Variants in TBL1XR1 observed in about 807,000 individuals in gnomAD.
The protein encoded by TBL1XR1 is F-box-like/WD repeat-containing protein TBL1XR1.
In TBL1XR1, 5 loss-of-function variants were observed where a neutral mutation model predicts 66.9. The ratio of observed to expected loss-of-function variants is 0.07; its 90% CI spans 0.04 to 0.16. TBL1XR1 has a LOEUF of 0.16. TBL1XR1 is among the 10% of genes least tolerant of loss of function. The pLI is 1.00. For synonymous variants in TBL1XR1, 210 were observed against 206.0 expected (o/e 1.02, Z -0.17); for missense variants, 238 against 623.2 (o/e 0.38, Z 6.58).
intron 11 of TBL1XR1, 53 bp downstream of exon 11, chr3:177,038,260 G>T: frequency 6.3e-7 from 1 of 1,595,010 alleles, no homozygotes; most frequent in South Asian, 1.1e-5. Flanking sequence ...AAACTATTCT[G>T]AAACATTACT....
chr3:177,128,982 A>T (rs1211573458), intron 1 of TBL1XR1, among the ~76,000 whole-genome samples: 2 of 151,952 alleles, frequency 1.3e-5, no homozygotes, highest in Admixed American at 1.3e-4. Flanking sequence ...TTCTTCTATA[A>T]CTCCACTTAC....
upstream of TBL1XR1, among the ~76,000 whole-genome samples, chr3:177,198,533 G>A (rs186622131): frequency 4.7e-3 from 717 of 152,254 alleles, 9 homozygotes; most frequent in Non-Finnish European, 4.5e-3. Flanking sequence ...TTGAGGGAGG[G>A]TTGTTTTTAA....
chr3:177,110,044 G>C (rs998290886), intron 1 of TBL1XR1, among the ~76,000 whole-genome samples: 1 of 152,080 alleles, frequency 6.6e-6, no homozygotes, highest in African/African-American at 2.4e-5. Flanking sequence ...CTGCAGTATC[G>C]ATTTGTGCCT....
chr3:177,166,529 T>G (rs1187401585), intron 1 of TBL1XR1, among the ~76,000 whole-genome samples: 1 of 152,170 alleles, frequency 6.6e-6, no homozygotes, highest in Non-Finnish European at 1.5e-5. Context: ...GCTGTTCTGA[T>G]AATAGTGAGT....
At chr3:177,087,480 G>A (rs1722291175) in intron 2 of TBL1XR1, among the ~76,000 whole-genome samples, 1 of 152,016 alleles carries the variant, frequency 6.6e-6, no homozygotes, top group Non-Finnish European at 1.5e-5. Context: ...CTCCTTACAG[G>A]TGCTAGTAAA....
intron 1 of TBL1XR1, among the ~76,000 whole-genome samples, chr3:177,135,931 T>C (rs1231804479): frequency 6.6e-6 from 1 of 151,822 alleles, no homozygotes; most frequent in African/African-American, 2.4e-5. Flanking sequence ...GAGTGCTTTT[T>C]ATTCCTTCCC....
intron 1 of TBL1XR1, chr3:177,136,161 T>C (rs1041936084): frequency 6.6e-6 from 1 of 152,166 alleles, no homozygotes; most frequent in Admixed American, 6.5e-5. Context: ...CAAATATTGC[T>C]TCATGAAACT....
chr3:177,041,035 G>A (rs1715509986), intron 10 of TBL1XR1: 1 of 152,166 alleles, frequency 6.6e-6, no homozygotes, highest in Non-Finnish European at 1.5e-5. Flanking sequence ...CAAATTATGA[G>A]AATTCCCAAC....
intron 1 of TBL1XR1, among the ~76,000 whole-genome samples, chr3:177,143,729 T>TTTCA (rs1729900447): frequency 6.6e-6 from 1 of 152,202 alleles, no homozygotes; most frequent in Admixed American, 6.5e-5. Context: ...ATTGTTTAGG[T>TTTCA]TTCAATTCAG....
intron 1 of TBL1XR1, among the ~76,000 whole-genome samples, chr3:177,102,136 T>A (rs12485368): frequency 2.6e-5 from 4 of 152,342 alleles, no homozygotes; most frequent in African/African-American, 9.6e-5. Context: ...ATCACCCTCA[T>A]AGATGTATCT....
At chr3:177,086,830 T>A (rs887185351) in intron 2 of TBL1XR1, 1 of 151,720 alleles carries the variant, frequency 6.6e-6, no homozygotes, top group Non-Finnish European at 1.5e-5. Flanking sequence ...ACTAACAACC[T>A]AGTTATGACC....
At chr3:177,104,137 G>C (rs1373111147) in intron 1 of TBL1XR1, among the ~76,000 whole-genome samples, 1 of 150,252 alleles carries the variant, frequency 6.7e-6, no homozygotes, top group Non-Finnish European at 1.5e-5. Context: ...AAAAGAGAGA[G>C]AGAGAAATAT....
chr3:177,153,387 C>T (rs948730597), intron 1 of TBL1XR1, among the ~76,000 whole-genome samples: 10 of 152,084 alleles, frequency 6.6e-5, no homozygotes, highest in Admixed American at 2.6e-4. Context: ...CTAGTAAATA[C>T]GCATGCACAT....
intron 1 of TBL1XR1, among the ~76,000 whole-genome samples, chr3:177,146,392 T>C (rs1233256642): frequency 6.6e-6 from 1 of 151,640 alleles, no homozygotes; most frequent in Non-Finnish European, 1.5e-5. Context: ...GTTCAAGTGA[T>C]TCTCCTGCCT....
chr3:177,030,657 G>A (rs150262842), intron 14 of TBL1XR1, among the ~76,000 whole-genome samples: 318 of 152,260 alleles, frequency 2.1e-3, no homozygotes, highest in African/African-American at 7.2e-3. Context: ...AATTAAATCT[G>A]AGCAGTAGAT....
At position 177,156,592 on chromosome 3, in the gene TBL1XR1, A is replaced by AT. The variant is rs1560239392; in HGVS notation, c.-122+40528_-122+40529insA. Reference sequence around the variant, plus strand: ...ACATACATTTATATATATATATATAAAATTCTGACAAAACACTTGTGTCTG... The same window carrying AT: ...ACATACATTTATATATATATATATAATAATTCTGACAAAACACTTGTGTCTG... On this transcript the variant is annotated intron_variant, in intron 1 of 15. Transcript: ENST00000457928. Among the ~76,000 whole-genome samples the AT allele has an allele frequency of 9.2e-3, 1,373 of 149,028 alleles. 20 individuals carry two copies. Among genetic ancestry groups the AT allele is most frequent in the Non-Finnish European group, 0.011 (750 of 67,100 alleles).
intron 2 of TBL1XR1, among the ~76,000 whole-genome samples, chr3:177,070,080 A>C (rs1004746008): frequency 2.0e-5 from 3 of 152,248 alleles, no homozygotes; most frequent in Non-Finnish European, 2.9e-5. Context: ...ACTGACTCAT[A>C]ATCTCAATTA....
chr3:177,125,397 C>T (rs1287409654), intron 1 of TBL1XR1, among the ~76,000 whole-genome samples: 2 of 152,032 alleles, frequency 1.3e-5, no homozygotes, highest in African/African-American at 4.8e-5. Context: ...TAAGGGTTGA[C>T]AAGGATATGA....
At chr3:177,199,100 G>A (rs971152900), upstream of TBL1XR1, among the ~76,000 whole-genome samples, 1 of 152,150 alleles carries the variant, frequency 6.6e-6, no homozygotes, top group African/African-American at 2.4e-5. Flanking sequence ...AGTGGGATTG[G>A]AAACTCCCTT....
Sources: gnomAD v4.1 joint callset for allele counts (sites outside exome capture counted in the v4.1 genomes callset) on GRCh38, gnomAD v4.1.1 for gene constraint, MANE v1.5 for transcripts, NCBI Gene and HGNC (gene_info 2026-07-23, HGNC 2026-07-21) for gene names.